Variants in DCPS observed in about 807,000 individuals in gnomAD.
The protein encoded by DCPS is decapping enzyme, scavenger, also known as m7GpppX diphosphatase.
DCPS carries 27 observed loss-of-function variants against 34.7 expected under a neutral mutation model. The observed-to-expected ratio is 0.78, with a 90% CI of 0.57 to 1.07. The LOEUF is 1.07. Among genes scored for constraint, DCPS ranks in the 50% least tolerant of loss-of-function variants. DCPS has a pLI of 0.00. For missense variants in DCPS, 464 were observed against 436.9 expected (o/e 1.06, Z -0.55); for synonymous variants, 185 against 185.7 (o/e 1.00, Z 0.03).
In DCPS at chr11:126,319,250, CT is replaced by C. The variant is rs1275072665; in HGVS notation, c.377-12153del. 6.6e-6 allele frequency among the ~76,000 whole-genome samples: 1 copy of C among 152,078 alleles called. No individual in the cohort carries two copies. The highest frequency in any genetic ancestry group is 1.9e-4 in the East Asian group (1 of 5,174). ...CTGCCCTGAACTCCACCAGGCCCCTCTTCTGGGACTTCCCCCTTCATGCCTC... is the reference window on the plus strand; with the variant it reads ...CTGCCCTGAACTCCACCAGGCCCCTCTCTGGGACTTCCCCCTTCATGCCTC... On this transcript the variant is annotated intron_variant, in intron 2 of 5. Transcript: ENST00000263579. This position sits in a 1 kb window ranked among gnomAD's most constrained non-coding sequence, Gnocchi z 4.5.
rs1297802202 is a variant in DCPS at position 126,349,351 on chromosome 11, C to T, written c.*3738C>T. ...TCACCCTTCCTAGATAAATCCTGGA[C>T]GGCTCCACGACTGGCTTTTAGCCCT... On this transcript the variant is annotated 3_prime_UTR_variant, in exon 6 of 6. Coordinates refer to ENST00000263579, the MANE Select transcript of DCPS (RefSeq NM_014026.6). This position sits in a 1 kb window ranked among gnomAD's most constrained non-coding sequence, Gnocchi z 5.4. Among the ~76,000 whole-genome samples, 1 of 152,206 alleles carries T rather than the reference C, an allele frequency of 6.6e-6. No individual in the cohort carries two copies. Among genetic ancestry groups the T allele is most frequent in the Non-Finnish European group, 1.5e-5 (1 of 68,036 alleles).
chr11:126,325,762 T>C lies in DCPS; in HGVS notation c.377-5643T>C, dbSNP rs1951735053. Among the ~76,000 whole-genome samples the C allele has an allele frequency of 6.8e-6, 1 of 146,916 alleles. No individual in the cohort carries two copies. Among genetic ancestry groups the C allele is most frequent in the Non-Finnish European group, 1.6e-5 (1 of 64,382 alleles). ...AGTGTTGGAGGTGCTCTTAATATAT[T>C]GTGAAGATTTTCCAGGGATAGATTT... On this transcript the variant is annotated intron_variant, in intron 2 of 5. Transcript: ENST00000263579. The surrounding 1 kb of genome is among the most constrained non-coding windows in gnomAD (Gnocchi z 4.3).
At position 126,338,491 on chromosome 11, in the gene DCPS, C is replaced by G; in HGVS notation, c.636+92C>G. On this transcript the variant is annotated intron_variant, in intron 4 of 5. Transcript: ENST00000263579. This position sits in a 1 kb window ranked among gnomAD's most constrained non-coding sequence, Gnocchi z 5.4. The stretch of plus-strand genomic sequence containing the variant: ...TGCCCTCTTTCTCACGCTGGCCTGT[C>G]TCTAAGCAGATTATAATTAACCAAC... 2 of 1,165,474 alleles carry G rather than the reference C, an allele frequency of 1.7e-6. No homozygotes were observed. Among genetic ancestry groups the G allele is most frequent in the South Asian group, 2.5e-5 (2 of 78,996 alleles). 72.2% of individuals were successfully genotyped at this position (1,165,474 alleles called of 1,614,324 possible).
At chr11:126,308,524 G>T (rs181575824) in intron 2 of DCPS, among the ~76,000 whole-genome samples, 3 of 152,228 alleles carry the variant, frequency 2.0e-5, no homozygotes, top group Non-Finnish European at 2.9e-5. Flanking sequence ...ATTAATTGGT[G>T]CAAGTTGATG....
chr11:126,324,855 T>G (rs1951729486), intron 2 of DCPS, among the ~76,000 whole-genome samples: 1 of 152,018 alleles, frequency 6.6e-6, no homozygotes, highest in Non-Finnish European at 1.5e-5. Flanking sequence ...GACATGTTTA[T>G]AGAAAATTAA....
At chr11:126,304,330 C>A (rs758907086) in intron 1 of DCPS, 49 bp downstream of exon 1, 1 of 1,595,392 alleles carries the variant, frequency 6.3e-7, no homozygotes, top group East Asian at 2.2e-5. Flanking sequence ...GTGAACCAAT[C>A]ATCGCCTCGG....
rs1251790336 is a variant in DCPS at position 126,345,646 on chromosome 11, G to C, written c.*33G>C. ...CAGGCAGAAGAGCACAGATGTGTGG[G>C]ATTGGGGGAGGAGTGGGGACAAGAT... On this transcript the variant is annotated 3_prime_UTR_variant, in exon 6 of 6. Coordinates refer to ENST00000263579, the MANE Select transcript of DCPS (RefSeq NM_014026.6). This position sits in a 1 kb window ranked among gnomAD's most constrained non-coding sequence, Gnocchi z 7.4. 3.8e-6 allele frequency: 6 copies of C among 1,594,120 alleles called. No individual in the cohort carries two copies. In the East Asian group the frequency reaches 1.1e-4, roughly 30 times the overall value.
chr11:126,309,560 C>T (rs1320821628), intron 2 of DCPS, among the ~76,000 whole-genome samples: 2 of 152,022 alleles, frequency 1.3e-5, no homozygotes, highest in Admixed American at 6.5e-5. Context: ...GACGCAATGT[C>T]CTTCTTTTTT....
Position 126,347,666 on chromosome 11 carries a change from C to T in DCPS, c.*2053C>T, listed in dbSNP as rs986460252. Among the ~76,000 whole-genome samples, 2 of 152,210 alleles carry T rather than the reference C, an allele frequency of 1.3e-5. No homozygotes were observed. Among genetic ancestry groups the T allele is most frequent in the Non-Finnish European group, 1.5e-5 (1 of 68,038 alleles). Reference sequence around the variant, plus strand: ...CCACCACACATCTGACTGACTCCTTCTTGGGCTAAGCAAATACTTTTGTGG... The same window carrying T: ...CCACCACACATCTGACTGACTCCTTTTTGGGCTAAGCAAATACTTTTGTGG... On this transcript the variant is annotated 3_prime_UTR_variant, in exon 6 of 6. Coordinates refer to ENST00000263579, the MANE Select transcript of DCPS (RefSeq NM_014026.6). This position sits in a 1 kb window ranked among gnomAD's most constrained non-coding sequence, Gnocchi z 4.2.
In DCPS at chr11:126,319,690, T is replaced by A. The variant is rs1242682817; in HGVS notation, c.377-11715T>A. On this transcript the variant is annotated intron_variant, in intron 2 of 5. Transcript: ENST00000263579. The surrounding 1 kb of genome is among the most constrained non-coding windows in gnomAD (Gnocchi z 4.5). The stretch of plus-strand genomic sequence containing the variant: ...CTCTAGGAAGAATTGGAACTAGTCA[T>A]GTTTCTCCTATCTGATAGGGCTGCT... Among the ~76,000 whole-genome samples the A allele has an allele frequency of 6.6e-6, 1 of 152,164 alleles. No homozygotes were observed. Among genetic ancestry groups the A allele is most frequent in the Non-Finnish European group, 1.5e-5 (1 of 68,026 alleles).
chr11:126,304,446 G>A, intron 1 of DCPS, 165 bp downstream of exon 1: 1 of 728,416 alleles, frequency 1.4e-6, no homozygotes, highest in Non-Finnish European at 2.2e-6. Flanking sequence ...GTGAAAGGCG[G>A]CAAGATTGCC....
At chr11:126,307,593 T>G (rs1951582745) in intron 2 of DCPS, among the ~76,000 whole-genome samples, 1 of 152,036 alleles carries the variant, frequency 6.6e-6, no homozygotes, top group South Asian at 2.1e-4. Flanking sequence ...GTATTTTTAG[T>G]AGAGTCAGGG....
Position 126,331,320 on chromosome 11 carries a change from G to A in DCPS, c.377-85G>A. Reference sequence around the variant, plus strand: ...CTTCCCTCAGGGAATCAAAGCCAGGGTGGGAGTTCTCTCCTCACCGTGGTG... The same window carrying A: ...CTTCCCTCAGGGAATCAAAGCCAGGATGGGAGTTCTCTCCTCACCGTGGTG... On this transcript the variant is annotated intron_variant, in intron 2 of 5. Coordinates refer to ENST00000263579, the MANE Select transcript of DCPS (RefSeq NM_014026.6). This position sits in a 1 kb window ranked among gnomAD's most constrained non-coding sequence, Gnocchi z 7.2. The A allele has an allele frequency of 3.9e-6, 6 of 1,552,958 alleles. No individual in the cohort carries two copies. Among genetic ancestry groups the A allele is most frequent in the Non-Finnish European group, 4.4e-6 (5 of 1,148,126 alleles).
chr11:126,313,138 T>G lies in DCPS; in HGVS notation c.376+6394T>G, dbSNP rs1591382091. On this transcript the variant is annotated intron_variant, in intron 2 of 5. Coordinates refer to ENST00000263579, the MANE Select transcript of DCPS (RefSeq NM_014026.6). The surrounding 1 kb of genome is among the most constrained non-coding windows in gnomAD (Gnocchi z 4.9). Reference sequence around the variant, plus strand: ...GGCTGCCTCTTCAAAGGCCAATTGTTTCCCCGTGTAAACCAGGAGGTGAAA... The same window carrying G: ...GGCTGCCTCTTCAAAGGCCAATTGTGTCCCCGTGTAAACCAGGAGGTGAAA... 2.0e-5 allele frequency among the ~76,000 whole-genome samples: 3 copies of G among 152,084 alleles called. No individual in the cohort carries two copies. The East Asian group carries it at 5.9e-4, about 30-fold the overall frequency.
intron 2 of DCPS, among the ~76,000 whole-genome samples, chr11:126,308,534 G>A (rs1951591848): frequency 6.6e-6 from 1 of 152,222 alleles, no homozygotes; most frequent in Admixed American, 6.5e-5. Context: ...GCAAGTTGAT[G>A]GAAATGGACA....
At chr11:126,306,498 G>GCTT in intron 1 of DCPS, 72 bp from the exon 2 acceptor site, 1 of 1,429,212 alleles carries the variant, frequency 7.0e-7, no homozygotes, top group Non-Finnish European at 9.3e-7. Context: ...GGCCCTGGGA[G>GCTT]CTTCTGTCTT....
intron 2 of DCPS, among the ~76,000 whole-genome samples, chr11:126,309,256 T>C (rs909710229): frequency 2.6e-5 from 4 of 152,092 alleles, no homozygotes; most frequent in Non-Finnish European, 5.9e-5. Flanking sequence ...GAACTCCTGA[T>C]CTCAGGTGAT....
intron 2 of DCPS, among the ~76,000 whole-genome samples, chr11:126,307,318 A>G (rs1196013311): frequency 6.6e-6 from 1 of 150,448 alleles, no homozygotes; most frequent in Admixed American, 6.6e-5. Flanking sequence ...GGGTGATGGA[A>G]CAAAACCCTA....
Position 126,304,094 on chromosome 11 carries a change from C to G in DCPS, c.14C>G (p.Ala5Gly). 6.2e-7 allele frequency: 1 copy of G among 1,604,786 alleles called. No homozygotes were observed. Among genetic ancestry groups the G allele is most frequent in the East Asian group, 2.3e-5 (1 of 44,388 alleles). MADAAPQLGKRKREL... is the reference protein window; with the variant it reads MADAGPQLGKRKREL... ...CTCCGCGGCAGCATGGCGGACGCAG[C>G]TCCTCAACTAGGCAAGAGGAAGCGC... is the stretch of plus-strand genomic sequence containing the variant. The change falls in exon 1 of 6, where the codon GCT (alanine) becomes GGT (glycine). Residue 5 changes from alanine (A) to glycine (G), a missense_variant. By Grantham distance (60) the Ala-to-Gly change is moderately conservative. Coordinates refer to ENST00000263579, the MANE Select transcript of DCPS (RefSeq NM_014026.6).
Sources: allele counts gnomAD v4.1 joint callset (sites outside exome capture counted in the v4.1 genomes callset), GRCh38; gene constraint gnomAD v4.1.1; non-coding constraint Gnocchi (gnomAD v3.1); transcripts MANE v1.5; gene names NCBI Gene and HGNC (gene_info 2026-07-23, HGNC 2026-07-21).